OTOG: variants seen among roughly 807,000 people sequenced by gnomAD.
The protein encoded by OTOG is otogelin.
OTOG carries 296 observed loss-of-function variants against 313.8 expected under a neutral mutation model. The ratio of observed to expected loss-of-function variants is 0.94; its 90% CI spans 0.86 to 1.04. The LOEUF is 1.04. Among genes scored for constraint, OTOG ranks in the 50% least tolerant of loss-of-function variants. The probability of loss-of-function intolerance (pLI) is 0.00; values close to 1 mark genes in which losing one functional copy is unlikely to be tolerated. For synonymous variants in OTOG, 1,533 were observed against 1,554.9 expected, an observed-to-expected ratio of 0.99 and a Z score of 0.33; for missense variants, 3,948 against 3,840.1, an observed-to-expected ratio of 1.03 and a Z score of -0.74.
intron 15 of OTOG, among the ~76,000 whole-genome samples, chr11:17,566,951 T>C (rs2134018159): frequency 6.6e-6 from 1 of 152,344 alleles, no homozygotes; most frequent in Non-Finnish European, 1.5e-5. Context: ...CAAGTTTCAC[T>C]CTTAGTGAAG....
At chr11:17,618,682 C>T (rs1409208160) in intron 39 of OTOG, among the ~76,000 whole-genome samples, 5 of 152,138 alleles carry the variant, frequency 3.3e-5, no homozygotes, top group African/African-American at 1.2e-4. Context: ...TTGTCTATTT[C>T]TCTTTGGAGT....
chr11:17,569,206 C>A lies in OTOG; in HGVS notation c.1695C>A (p.Asp565Glu), dbSNP rs1852354939. 1.3e-6 allele frequency: 2 copies of A among 1,550,614 alleles called. No homozygotes were observed. Among genetic ancestry groups the A allele is most frequent in the African/African-American group, 1.4e-5 (1 of 73,156 alleles). Reference sequence around the variant, plus strand: ...CAGTGTCAGTGATTCTGCACCAGGACCCTCGGAGGCAGGTGACCCTGACCC... The same window carrying A: ...CAGTGTCAGTGATTCTGCACCAGGAACCTCGGAGGCAGGTGACCCTGACCC... ...VQSVSVILHQ[D>E]PRRQVTLTQA... Residue 565 changes from aspartate to glutamate, a missense_variant, in exon 16 of 56, where the codon GAC becomes GAA. Asp to Glu is a conservative substitution (Grantham distance 45). Coordinates refer to ENST00000399397, the MANE Select transcript of OTOG (RefSeq NM_001292063.2).
chr11:17,613,604 C>A lies in OTOG; in HGVS notation c.6439-8C>A. 1.3e-5 allele frequency: 20 copies of A among 1,550,462 alleles called. No individual in the cohort carries two copies. The highest frequency in any genetic ancestry group is 1.7e-5 in the Non-Finnish European group (19 of 1,146,896). ...TCCAAGTTGATGAGGGCTGGGTTCT[C>A]TCTGCAGGGGCACCTGAACTGGCCC... On this transcript the variant is annotated splice_region_variant and splice_polypyrimidine_tract_variant and intron_variant, in intron 38 of 55. Transcript: ENST00000399397.
chr11:17,585,190 T>G (rs1852763912), intron 23 of OTOG, among the ~76,000 whole-genome samples: 1 of 152,262 alleles, frequency 6.6e-6, no homozygotes, highest in East Asian at 1.9e-4. Context: ...TTAAAGATAT[T>G]GGGCTAATTC....
intron 23 of OTOG, among the ~76,000 whole-genome samples, chr11:17,578,900 G>A (rs1307240213): frequency 6.6e-6 from 1 of 152,204 alleles, no homozygotes; most frequent in East Asian, 1.9e-4. Flanking sequence ...CTCAAGTTCA[G>A]CTCTCAACCT....
intron 49 of OTOG, among the ~76,000 whole-genome samples, chr11:17,639,774 C>T (rs970053092): frequency 4.1e-5 from 6 of 147,472 alleles, no homozygotes; most frequent in African/African-American, 1.0e-4. Flanking sequence ...GTGGTGGTGA[C>T]GATGGTGATA....
At chr11:17,641,603 A>T (rs1466716065) in intron 51 of OTOG, among the ~76,000 whole-genome samples, 1 of 151,726 alleles carries the variant, frequency 6.6e-6, no homozygotes, top group Non-Finnish European at 1.5e-5. Context: ...TGGAATAAAA[A>T]CTGGCATCCT....
intron 29 of OTOG, among the ~76,000 whole-genome samples, 195 bp downstream of exon 29, chr11:17,596,349 C>G (rs1415727373): frequency 6.6e-6 from 1 of 152,244 alleles, no homozygotes; most frequent in Non-Finnish European, 1.5e-5. Context: ...CACAGACAGC[C>G]AGGAAAACAG....
intron 17 of OTOG, 77 bp downstream of exon 17, chr11:17,570,467 A>G: frequency 1.4e-6 from 2 of 1,381,934 alleles, no homozygotes; most frequent in Non-Finnish European, 2.0e-6. Context: ...GGCACTGCCT[A>G]AATGTCTCTC....
Position 17,610,099 on chromosome 11 carries a change from A to G in OTOG, c.4799A>G (p.Asn1600Ser), listed in dbSNP as rs1204609147. ...ACTGTGATCTTTGCAGGAAGCCCTA[A>G]CATCACAGTCTCCTCCCGGTCGCCC... ...RVTVIFAGSP[N>S]ITVSSRSPPA... Residue 1600 changes from asparagine to serine, a missense_variant, in exon 36 of 56, where the codon AAC becomes AGC. Coordinates refer to ENST00000399397, the MANE Select transcript of OTOG (RefSeq NM_001292063.2). 1.4e-5 allele frequency: 21 copies of G among 1,550,428 alleles called. No individual in the cohort carries two copies. The highest frequency in any genetic ancestry group is 1.8e-5 in the Non-Finnish European group (21 of 1,146,946).
chr11:17,591,485 AC>A lies in OTOG; in HGVS notation c.2906del (p.Pro969LeufsTer43). 1 of 1,550,566 alleles carries A rather than the reference AC, an allele frequency of 6.4e-7. No homozygotes were observed. The highest frequency in any genetic ancestry group is 2.4e-5 in the East Asian group (1 of 40,918). On this transcript the variant is annotated frameshift_variant, in exon 25 of 56. Coordinates refer to ENST00000399397, the MANE Select transcript of OTOG (RefSeq NM_001292063.2). LOFTEE classifies it high-confidence loss of function. ...CQRGSFQCTLHPCASTCTAYG... is the reference protein window; with the variant it reads ...CQRGSFQCTLXPCASTCTAYG... The stretch of plus-strand genomic sequence containing the variant: ...CGGGGCTCATTCCAGTGCACCCTGC[AC>A]CCTTGCGCCTCCACCTGCACTGCCT...
In OTOG at chr11:17,574,910, C is replaced by T. The variant is rs1852490666; in HGVS notation, c.2484C>T (p.Pro828=). ...YLDTQADLCV[P]RNQCSCHFQG... ...ACACCCAGGCTGACCTCTGTGTCCC[C>T]CGGTGAGTGGGTCAGCTTGATCTCT... Residue 828 remains proline (P), a splice_region_variant and synonymous_variant, in exon 20 of 56, where the codon CCC becomes CCT. Coordinates refer to ENST00000399397, the MANE Select transcript of OTOG (RefSeq NM_001292063.2). 1.3e-6 allele frequency: 2 copies of T among 1,501,536 alleles called. No individual in the cohort carries two copies. The highest frequency in any genetic ancestry group is 2.5e-5 in the East Asian group (1 of 39,528). 93.0% of individuals were successfully genotyped at this position (1,501,536 alleles called of 1,614,324 possible). A position where few individuals can be genotyped will look rare whatever the true frequency, so the allele number is the denominator to read the frequency against.
intron 11 of OTOG, 73 bp downstream of exon 11, chr11:17,559,234 T>C (rs1431350557): frequency 2.6e-6 from 3 of 1,153,640 alleles, no homozygotes; most frequent in Non-Finnish European, 3.6e-6. Context: ...CAGCTCAATG[T>C]CTTGTCCTGC....
rs1195741227 is a variant in OTOG, at chr11:17,635,061, A to T, written c.7586-19A>T. 1.1e-5 allele frequency: 17 copies of T among 1,543,678 alleles called. 1 individual carries two copies. The South Asian group carries it at 2.0e-4, about 18-fold the overall frequency. On this transcript the variant is annotated intron_variant, in intron 45 of 55. Transcript: ENST00000399397. ...AGGCAGGTTCCTCTCCCAGCACCTA[A>T]ATTCAGCCTTTTCCCCAGAGTGTGA...
intron 39 of OTOG, among the ~76,000 whole-genome samples, chr11:17,620,523 G>A (rs2134110055): frequency 1.3e-5 from 2 of 152,016 alleles, no homozygotes. Flanking sequence ...CCATATTTTT[G>A]GCTATTTTGA....
chr11:17,587,526 A>C (rs1590021987), intron 24 of OTOG, among the ~76,000 whole-genome samples: 1 of 152,208 alleles, frequency 6.6e-6, no homozygotes, highest in Non-Finnish European at 1.5e-5. Context: ...TCAGAGACCC[A>C]TCTGGCTAGC....
chr11:17,639,840 A>G lies in OTOG; in HGVS notation c.7935+377A>G, dbSNP rs879835823. ...GGTGGTGGTGGGGATGGTGAGGATG[A>G]TGGTGGTGGTGATGGTGATAATGCA... On this transcript the variant is annotated intron_variant, in intron 49 of 55. Transcript: ENST00000399397. Among the ~76,000 whole-genome samples the G allele has an allele frequency of 7.6e-5, 11 of 145,028 alleles. No homozygotes were observed. In the East Asian group the frequency reaches 1.6e-3, roughly 21 times the overall value.
rs1854231228 is a variant in OTOG, at chr11:17,635,098, G to A, written c.7604G>A (p.Cys2535Tyr). 2 of 1,549,012 alleles carry A rather than the reference G, an allele frequency of 1.3e-6. No homozygotes were observed. The highest frequency in any genetic ancestry group is 2.4e-5 in the South Asian group (2 of 83,994). Residue 2535 changes from cysteine (C) to tyrosine (Y), a missense_variant, in exon 46 of 56, where the codon TGT becomes TAT. Cys to Tyr is a radical substitution (Grantham distance 194). Coordinates refer to ENST00000399397, the MANE Select transcript of OTOG (RefSeq NM_001292063.2). The part of the protein sequence containing the change: ...SYSCECDPDL[C>Y]EAELVPSCRQ... ...TCCCCAGAGTGTGACCCAGATCTCTGTGAGGCAGAGCTGGTCCCCAGCTGC... is the reference window on the plus strand; with the variant it reads ...TCCCCAGAGTGTGACCCAGATCTCTATGAGGCAGAGCTGGTCCCCAGCTGC...
chr11:17,627,844 A>G (rs1052776346), intron 39 of OTOG, among the ~76,000 whole-genome samples: 4 of 152,118 alleles, frequency 2.6e-5, no homozygotes, highest in African/African-American at 9.7e-5. Context: ...CATTTCCTCT[A>G]GATTTTCTCT....
Sources: allele counts gnomAD v4.1 joint callset (sites outside exome capture counted in the v4.1 genomes callset), GRCh38; gene constraint gnomAD v4.1.1; transcripts MANE v1.5; gene names NCBI Gene and HGNC (gene_info 2026-07-23, HGNC 2026-07-21).